Variants in KIF16B observed in about 807,000 individuals in gnomAD.
KIF16B encodes kinesin-like protein KIF16B.
A neutral mutation model predicts 156.3 loss-of-function variants in KIF16B; 98 were observed. That is an observed-to-expected ratio of 0.63 (90% CI 0.53 to 0.74). The LOEUF is 0.74. KIF16B is among the 30% of genes least tolerant of loss of function. The pLI, the probability that KIF16B is intolerant of heterozygous loss-of-function variation, is 0.00. For synonymous variants in KIF16B, 564 were observed against 583.7 expected (o/e 0.97, Z 0.49); for missense variants, 1,421 against 1,606.5 (o/e 0.88, Z 1.97).
chr20:16,525,103 C>T (rs6044071), intron 3 of KIF16B, among the ~76,000 whole-genome samples: 16,294 of 151,622 alleles, frequency 0.11, 1,062 homozygotes, highest in East Asian at 0.31. Flanking sequence ...TGCAGCAAAC[C>T]GCCATGGCAC....
intron 23 of KIF16B, among the ~76,000 whole-genome samples, chr20:16,345,176 C>T (rs1475819557): frequency 2.0e-5 from 3 of 152,216 alleles, no homozygotes; most frequent in South Asian, 4.1e-4. Context: ...CCTCCATGAG[C>T]CCATTGGCTC....
intron 12 of KIF16B, among the ~76,000 whole-genome samples, chr20:16,484,884 G>A (rs2068073401): frequency 6.6e-6 from 1 of 152,128 alleles, no homozygotes; most frequent in African/African-American, 2.4e-5. Context: ...GCTAGCAGAA[G>A]GCAAAGGGGC....
chr20:16,507,825 T>C (rs2068831950), intron 7 of KIF16B, 133 bp downstream of exon 7: 2 of 912,482 alleles, frequency 2.2e-6, no homozygotes, highest in Non-Finnish European at 3.4e-6. Flanking sequence ...CAACTCTAAT[T>C]AACAAGAAAA....
intron 12 of KIF16B, among the ~76,000 whole-genome samples, chr20:16,469,813 T>C (rs2067607444): frequency 1.3e-5 from 2 of 152,162 alleles, no homozygotes; most frequent in African/African-American, 4.8e-5. Context: ...CCAGTAATCA[T>C]ACTGCTTGGT....
intron 1 of KIF16B, among the ~76,000 whole-genome samples, chr20:16,537,704 G>GTTTTTTT (rs1171475559): frequency 9.8e-6 from 1 of 101,552 alleles, no homozygotes; most frequent in Non-Finnish European, 1.9e-5. Flanking sequence ...TCTTTTTTTC[G>GTTTTTTT]TTTTTTTTTT....
At chr20:16,370,555 G>T in intron 22 of KIF16B, 31 bp downstream of exon 22, 1 of 1,530,898 alleles carries the variant, frequency 6.5e-7, no homozygotes, top group Non-Finnish European at 8.8e-7. Flanking sequence ...AATTTAAGGC[G>T]ACCCTATCAA....
At chr20:16,359,562 T>C (rs901672371) in intron 22 of KIF16B, among the ~76,000 whole-genome samples, 1 of 150,016 alleles carries the variant, frequency 6.7e-6, no homozygotes, top group Admixed American at 6.7e-5. Context: ...CTAATACAAC[T>C]GCAGAGTTCT....
chr20:16,414,165 CT>C (rs1361091804), intron 15 of KIF16B, among the ~76,000 whole-genome samples: 4 of 151,954 alleles, frequency 2.6e-5, no homozygotes, highest in Admixed American at 2.6e-4. Context: ...AATTATAGTA[CT>C]TTTTCTCTAT....
At chr20:16,352,735 C>A (rs1042509755) in intron 23 of KIF16B, among the ~76,000 whole-genome samples, 1 of 152,206 alleles carries the variant, frequency 6.6e-6, no homozygotes, top group African/African-American at 2.4e-5. Flanking sequence ...GGAAGCAGAG[C>A]GGGTGAGGAG....
intron 23 of KIF16B, among the ~76,000 whole-genome samples, chr20:16,349,096 G>A (rs1474185852): frequency 6.6e-6 from 1 of 152,178 alleles, no homozygotes; most frequent in East Asian, 1.9e-4. Flanking sequence ...TCCTTTCATG[G>A]AGAAGGTGCA....
At chr20:16,549,228 C>G (rs1396058451) in intron 1 of KIF16B, among the ~76,000 whole-genome samples, 4 of 136,438 alleles carry the variant, frequency 2.9e-5, no homozygotes, top group Non-Finnish European at 3.1e-5. Flanking sequence ...GTGTGATATT[C>G]CCCCTCCTGT....
intron 1 of KIF16B, among the ~76,000 whole-genome samples, chr20:16,532,135 T>C (rs540151247): frequency 5.9e-5 from 9 of 151,900 alleles, no homozygotes; most frequent in Non-Finnish European, 1.2e-4. Context: ...TATTTGATGA[T>C]ATTAAGGAAT....
intron 25 of KIF16B, among the ~76,000 whole-genome samples, chr20:16,276,326 C>T (rs2063060724): frequency 6.6e-6 from 1 of 152,130 alleles, no homozygotes; most frequent in Non-Finnish European, 1.5e-5. Context: ...ATTTGAGACA[C>T]CTCCCTTCAA....
intron 12 of KIF16B, among the ~76,000 whole-genome samples, chr20:16,466,493 T>G (rs898138782): frequency 1.2e-4 from 18 of 152,276 alleles, no homozygotes; most frequent in Non-Finnish European, 2.2e-4. Context: ...TCCCATGCTG[T>G]TCTCTTGACG....
chr20:16,516,410 T>G (rs1247143503), intron 3 of KIF16B, among the ~76,000 whole-genome samples: 1 of 152,088 alleles, frequency 6.6e-6, no homozygotes, highest in Non-Finnish European at 1.5e-5. Context: ...ATGAAGGAAA[T>G]CAAGGTTCAA....
chr20:16,291,886 G>A (rs1216400810), intron 25 of KIF16B, among the ~76,000 whole-genome samples: 1 of 152,146 alleles, frequency 6.6e-6, no homozygotes, highest in African/African-American at 2.4e-5. Context: ...GATATTAAGG[G>A]CAGAAGCAGA....
At chr20:16,485,536 G>A (rs1006713192) in intron 12 of KIF16B, among the ~76,000 whole-genome samples, 2 of 151,366 alleles carry the variant, frequency 1.3e-5, no homozygotes, top group African/African-American at 4.9e-5. Context: ...CTGAGAGAAT[G>A]ACAAACATAT....
At position 16,573,266 on chromosome 20, in the gene KIF16B, C is replaced by T. The variant is rs757263101; in HGVS notation, c.10G>A (p.Val4Ile). The T allele has an allele frequency of 1.2e-6, 2 of 1,609,262 alleles. No homozygotes were observed. The highest frequency in any genetic ancestry group is 1.7e-6 in the Non-Finnish European group (2 of 1,178,726). MAS[V>I]KVAVRVRPMN... Reference sequence around the variant, plus strand: ...GGCCGGACCCTCACGGCCACCTTGACCGATGCCATCGCTCATCCCGAACCA... The same window carrying T: ...GGCCGGACCCTCACGGCCACCTTGATCGATGCCATCGCTCATCCCGAACCA... Residue 4 changes from valine (V) to isoleucine (I), a missense_variant, in exon 1 of 26, where the codon GTC (valine) becomes ATC (isoleucine). Coordinates refer to ENST00000354981, the MANE Select transcript of KIF16B (RefSeq NM_024704.5).
intron 12 of KIF16B, among the ~76,000 whole-genome samples, chr20:16,463,625 A>G (rs140691593): frequency 6.6e-6 from 1 of 152,296 alleles, no homozygotes; most frequent in East Asian, 1.9e-4. Context: ...TTTCCAGAGT[A>G]TATGGAATTT....
Sources: gnomAD v4.1 joint callset for allele counts (sites outside exome capture counted in the v4.1 genomes callset) on GRCh38, gnomAD v4.1.1 for gene constraint, MANE v1.5 for transcripts, NCBI Gene and HGNC (gene_info 2026-07-23, HGNC 2026-07-21) for gene names.